Variants in PAN3 observed in about 807,000 individuals in gnomAD.
The protein encoded by PAN3 is poly(A) specific ribonuclease subunit PAN3, also known as PAN2-PAN3 deadenylation complex subunit PAN3.
Under a neutral mutation model 96.2 loss-of-function variants are expected in PAN3, and 19 were observed. The observed-to-expected ratio is 0.20, with a 90% CI of 0.14 to 0.29. The LOEUF (loss-of-function observed/expected upper bound fraction) is 0.29. Ranked by LOEUF, PAN3 falls within the 10% of genes least tolerant of loss-of-function variation. The pLI is 1.00. For synonymous variants in PAN3, 433 were observed against 406.6 expected, an observed-to-expected ratio of 1.06 and a Z score of -0.78; for missense variants, 882 against 1,108.1, an observed-to-expected ratio of 0.80 and a Z score of 2.90.
chr13:28,229,936 A>G (rs558805538), intron 6 of PAN3, among the ~76,000 whole-genome samples: 2 of 152,290 alleles, frequency 1.3e-5, no homozygotes, highest in Admixed American at 1.3e-4. Context: ...CATTTTGAGA[A>G]TGACTGCTCG....
rs550043113 is a variant in PAN3, at chr13:28,216,218, T to TA, written c.853-4007dup. On this transcript the variant is annotated intron_variant, in intron 5 of 18. Coordinates refer to ENST00000380958, the MANE Select transcript of PAN3 (RefSeq NM_175854.8). ...TAGTGAGAAAAAAAAAAAAGCCAGGTAAAAAATACATATATGTGTATGACC... is the reference window on the plus strand; with the variant it reads ...TAGTGAGAAAAAAAAAAAAGCCAGGTAAAAAAATACATATATGTGTATGACC... Among the ~76,000 whole-genome samples, 225 of 147,776 alleles carry TA rather than the reference T, an allele frequency of 1.5e-3. 2 individuals are homozygous for TA. The highest frequency in any genetic ancestry group is 5.4e-3 in the African/African-American group (217 of 40,470).
intron 7 of PAN3, among the ~76,000 whole-genome samples, 166 bp from the exon 8 acceptor site, chr13:28,260,281 A>C (rs747001012): frequency 2.0e-4 from 31 of 152,072 alleles, no homozygotes; most frequent in Non-Finnish European, 5.9e-5. Flanking sequence ...CTGTAATCCC[A>C]GCTACGTGAG....
chr13:28,181,504 CAAAAAAAAA>C (rs894039087), intron 4 of PAN3, among the ~76,000 whole-genome samples: 39 of 57,268 alleles, frequency 6.8e-4, no homozygotes, highest in African/African-American at 2.8e-3. Flanking sequence ...AACCCTGTCT[CAAAAAAAAA>C]AAAAAAAAAA....
chr13:28,160,672 A>G (rs1257343908), intron 1 of PAN3, among the ~76,000 whole-genome samples: 3 of 152,216 alleles, frequency 2.0e-5, no homozygotes, highest in Non-Finnish European at 4.4e-5. Flanking sequence ...GTGCATATAA[A>G]CCTGTCAATA....
At chr13:28,187,155 T>C (rs1876586337) in intron 4 of PAN3, among the ~76,000 whole-genome samples, 2 of 151,938 alleles carry the variant, frequency 1.3e-5, no homozygotes, top group Non-Finnish European at 2.9e-5. Context: ...GGCGAAACAC[T>C]GTCTCTACAA....
chr13:28,189,524 AAAAAC>A (rs1293744274), intron 4 of PAN3, among the ~76,000 whole-genome samples: 6 of 141,350 alleles, frequency 4.2e-5, no homozygotes, highest in South Asian at 2.2e-4. Flanking sequence ...CTCAAAACAA[AAAAAC>A]AAAACAAAAC....
At chr13:28,179,599 G>A (rs1011861124) in intron 4 of PAN3, among the ~76,000 whole-genome samples, 16 of 151,782 alleles carry the variant, frequency 1.1e-4, no homozygotes, top group African/African-American at 3.6e-4. Context: ...ACCTGCAGTC[G>A]CAGCTGAGGT....
rs1886554898 is a variant in PAN3, at chr13:28,270,806, C to T, written c.1898C>T (p.Thr633Ile). The change falls in exon 13 of 19, where the codon ACA becomes ATA. Residue 633 changes from threonine (T) to isoleucine (I), a missense_variant. Physicochemically the swap from Thr to Ile is moderately conservative, Grantham distance 89. Coordinates refer to ENST00000380958, the MANE Select transcript of PAN3 (RefSeq NM_175854.8). Reference protein sequence around the residue: ...QLSSALRTIHTAGLACRVMDP... With the variant: ...QLSSALRTIHIAGLACRVMDP... ...AGTTCTGCATTGCGTACCATTCATA[C>T]AGCAGGTTTGGCATGTCGAGTTATG... 1 of 1,613,852 alleles carries T rather than the reference C, an allele frequency of 6.2e-7. No homozygotes were observed. The highest frequency in any genetic ancestry group is 8.5e-7 in the Non-Finnish European group (1 of 1,179,874).
chr13:28,176,012 A>G (rs1415243878), intron 2 of PAN3, among the ~76,000 whole-genome samples: 1 of 152,220 alleles, frequency 6.6e-6, no homozygotes, highest in Non-Finnish European at 1.5e-5. Context: ...TGGAGAGACC[A>G]TACAGGCTAT....
intron 12 of PAN3, among the ~76,000 whole-genome samples, chr13:28,268,756 T>C (rs930346251): frequency 6.6e-6 from 1 of 152,190 alleles, no homozygotes; most frequent in African/African-American, 2.4e-5. Context: ...AGATTACAAC[T>C]CCTTTCAAGA....
Position 28,283,795 on chromosome 13 carries a change from C to T in PAN3, c.2384+2416C>T, listed in dbSNP as rs541837668. 8.5e-5 allele frequency among the ~76,000 whole-genome samples: 13 copies of T among 152,168 alleles called. No homozygotes were observed. The East Asian group carries it at 1.9e-3, about 23-fold the overall frequency. ...GGTTAAATAACTTGAACAAAGGTTG[C>T]GTAATTAATAAGTATATGATCCAGG... On this transcript the variant is annotated intron_variant, in intron 17 of 18. Transcript: ENST00000380958.
chr13:28,189,424 G>A (rs1056801146), intron 4 of PAN3, among the ~76,000 whole-genome samples: 1 of 152,056 alleles, frequency 6.6e-6, no homozygotes, highest in Non-Finnish European at 1.5e-5. Context: ...GCTGAGCCAG[G>A]AGAATGGCTT....
chr13:28,270,440 A>G (rs1439701942), intron 12 of PAN3, among the ~76,000 whole-genome samples: 2 of 152,206 alleles, frequency 1.3e-5, no homozygotes, highest in Non-Finnish European at 2.9e-5. Flanking sequence ...AGTAATTTTT[A>G]TTCAATAATT....
At chr13:28,235,722 C>CACACACACACACACAT (rs763204992) in intron 6 of PAN3, among the ~76,000 whole-genome samples, 65 of 149,066 alleles carry the variant, frequency 4.4e-4, no homozygotes, top group African/African-American at 1.6e-3. Flanking sequence ...CACACACACA[C>CACACACACACACACAT]ATATATATAT....
At chr13:28,250,024 G>A (rs1218502360) in intron 6 of PAN3, among the ~76,000 whole-genome samples, 2 of 152,150 alleles carry the variant, frequency 1.3e-5, no homozygotes, top group Non-Finnish European at 2.9e-5. Context: ...CAAGTAGACA[G>A]TTATCTTTTC....
intron 4 of PAN3, among the ~76,000 whole-genome samples, chr13:28,190,371 T>C (rs1224168348): frequency 2.0e-5 from 3 of 151,810 alleles, no homozygotes; most frequent in Non-Finnish European, 2.9e-5. Flanking sequence ...GCCTCCTGAA[T>C]AGCTGGAATT....
At chr13:28,231,512 GTA>G (rs1230418991) in intron 6 of PAN3, among the ~76,000 whole-genome samples, 1 of 152,122 alleles carries the variant, frequency 6.6e-6, no homozygotes, top group Non-Finnish European at 1.5e-5. Context: ...AATGCTTACA[GTA>G]TTTCTAATAC....
chr13:28,154,208 A>C (rs1403557733), intron 1 of PAN3, among the ~76,000 whole-genome samples: 1 of 152,232 alleles, frequency 6.6e-6, no homozygotes, highest in Non-Finnish European at 1.5e-5. Flanking sequence ...TGTTTTTACC[A>C]GAGTCTTACT....
At chr13:28,288,828 A>G (rs78663812) in intron 18 of PAN3, among the ~76,000 whole-genome samples, 1 of 123,730 alleles carries the variant, frequency 8.1e-6, no homozygotes, top group African/African-American at 3.2e-5. Context: ...TTAACTATAG[A>G]TTTTTTTTTT....
Sources: allele counts gnomAD v4.1 joint callset (sites outside exome capture counted in the v4.1 genomes callset), GRCh38; gene constraint gnomAD v4.1.1; transcripts MANE v1.5; gene names NCBI Gene and HGNC (gene_info 2026-07-23, HGNC 2026-07-21).